The following JMJD1C variants were observed in gnomAD, a reference collection of about 807,000 sequenced individuals.
JMJD1C encodes jumonji domain-containing protein 1C.
In JMJD1C, 31 loss-of-function variants were observed where a neutral mutation model predicts 245.3. That is an observed-to-expected ratio of 0.13 (90% CI 0.09 to 0.17). The LOEUF is 0.17. JMJD1C is among the 10% of genes least tolerant of loss of function. The pLI is 1.00. For missense variants in JMJD1C, 2,691 were observed against 3,000.2 expected, an observed-to-expected ratio of 0.90 and a Z score of 2.41; for synonymous variants, 1,057 against 1,017.4, an observed-to-expected ratio of 1.04 and a Z score of -0.74.
intron 12 of JMJD1C, among the ~76,000 whole-genome samples, chr10:63,198,025 CA>C (rs1845639643): frequency 6.6e-6 from 1 of 152,176 alleles, no homozygotes. Flanking sequence ...ATATTTAGAG[CA>C]TCTACTATGT....
chr10:63,254,058 T>C lies in JMJD1C; in HGVS notation c.447+10593A>G, dbSNP rs565199758. The stretch of plus-strand genomic sequence containing the variant: ...ACTGTTTTGTTTTTAGTCTGAAGCC[T>C]AGAAAGACTTGAATTTTAGAGACAA... On this transcript the variant is annotated intron_variant, in intron 3 of 25. Transcript: ENST00000399262. Among the ~76,000 whole-genome samples the C allele has an allele frequency of 4.6e-5, 7 of 152,282 alleles. No homozygotes were observed. In the South Asian group the frequency reaches 6.2e-4, roughly 14 times the overall value.
In JMJD1C at chr10:63,254,872, G is replaced by A. The variant is rs576063366; in HGVS notation, c.447+9779C>T. On this transcript the variant is annotated intron_variant, in intron 3 of 25. Transcript: ENST00000399262. ...ATAGCTCCCCCCCTTTTTTTTTTATGAGATAGGGTCTCCCTCTGTCACCCA... is the reference window on the plus strand; with the variant it reads ...ATAGCTCCCCCCCTTTTTTTTTTATAAGATAGGGTCTCCCTCTGTCACCCA... Among the ~76,000 whole-genome samples, 12 of 143,382 alleles carry A rather than the reference G, an allele frequency of 8.4e-5. No individual in the cohort carries two copies. The East Asian group carries it at 1.5e-3, about 18-fold the overall frequency. The allele number at this position is 143,382 out of a possible 152,430, so 94.1% of individuals were successfully genotyped here. A position where few individuals can be genotyped will look rare whatever the true frequency, so the allele number is the denominator to read the frequency against.
chr10:63,311,288 A>G (rs868525493), intron 2 of JMJD1C, among the ~76,000 whole-genome samples: 1 of 151,950 alleles, frequency 6.6e-6, no homozygotes, highest in Non-Finnish European at 1.5e-5. Context: ...CTGAGGCAGG[A>G]GAATCACTTG....
intron 2 of JMJD1C, among the ~76,000 whole-genome samples, chr10:63,354,857 CA>C (rs148651978): frequency 1.9e-3 from 183 of 94,928 alleles, no homozygotes; most frequent in African/African-American, 3.5e-3. Context: ...TCTACTTTAA[CA>C]AAAAAAAAAA....
At chr10:63,428,209 A>G (rs957114034) in intron 1 of JMJD1C, among the ~76,000 whole-genome samples, 3 of 152,222 alleles carry the variant, frequency 2.0e-5, no homozygotes, top group Non-Finnish European at 4.4e-5. Flanking sequence ...TAAAGAAACT[A>G]CATCAATCAC....
chr10:63,216,002 T>G (rs1847938402), intron 5 of JMJD1C, among the ~76,000 whole-genome samples: 1 of 152,198 alleles, frequency 6.6e-6, no homozygotes. Context: ...CTTTTTATTT[T>G]TAAATAGAAA....
At chr10:63,269,220 C>T (rs1242964659) in intron 2 of JMJD1C, 13 of 985,242 alleles carry the variant, frequency 1.3e-5, no homozygotes, top group South Asian at 4.7e-5. Context: ...CAAATGAGAA[C>T]GAGTACTTGG....
chr10:63,346,535 T>C (rs542391762), intron 2 of JMJD1C, among the ~76,000 whole-genome samples: 1 of 152,344 alleles, frequency 6.6e-6, no homozygotes, highest in African/African-American at 2.4e-5. Context: ...AATAACCAAC[T>C]GTTCAAACCA....
At chr10:63,191,131 T>G in intron 16 of JMJD1C, 23 bp from the exon 17 acceptor site, 1 of 1,561,366 alleles carries the variant, frequency 6.4e-7, no homozygotes, top group Non-Finnish European at 8.8e-7. Flanking sequence ...ATTTCACAGA[T>G]TTTGTTTTGT....
intron 2 of JMJD1C, among the ~76,000 whole-genome samples, chr10:63,280,904 T>C (rs1857298701): frequency 6.6e-6 from 1 of 151,528 alleles, no homozygotes; most frequent in Admixed American, 6.6e-5. Context: ...TTGACAGAAA[T>C]AAAACGACAC....
intron 1 of JMJD1C, among the ~76,000 whole-genome samples, chr10:63,462,245 A>T (rs748806480): frequency 3.9e-5 from 6 of 152,240 alleles, no homozygotes; most frequent in Non-Finnish European, 7.3e-5. Flanking sequence ...AAGTTGACAA[A>T]CTATTTGAAA....
Position 63,206,788 on chromosome 10 carries a change from T to A in JMJD1C, c.4881A>T (p.Glu1627Asp). Residue 1627 changes from glutamate to aspartate, a missense_variant, in exon 10 of 26, where the codon GAA becomes GAT. This residue lies in a region of JMJD1C where 144 missense variants were observed against 143.3 expected (regional missense o/e 1.00). Coordinates refer to ENST00000399262, the MANE Select transcript of JMJD1C (RefSeq NM_032776.3). ...KAKRTYESGS[E>D]SGDSDESESK... ...TTTCACTTTCATCTGAGTCTCCACT[T>A]TCAGAGCCAGATTCATAAGTTCTTT... 1 of 1,607,464 alleles carries A rather than the reference T, an allele frequency of 6.2e-7. No homozygotes were observed. The highest frequency in any genetic ancestry group is 8.5e-7 in the Non-Finnish European group (1 of 1,178,440).
intron 3 of JMJD1C, among the ~76,000 whole-genome samples, chr10:63,220,528 C>A (rs185116004): frequency 6.6e-6 from 1 of 152,162 alleles, no homozygotes; most frequent in Non-Finnish European, 1.5e-5. Context: ...TTGAAACTAG[C>A]GCCAAAGCAT....
intron 1 of JMJD1C, among the ~76,000 whole-genome samples, chr10:63,494,298 C>T (rs72837051): frequency 0.2 from 30,506 of 149,470 alleles, 4,032 homozygotes; most frequent in Non-Finnish European, 0.3. Flanking sequence ...GCAACATAAA[C>T]GAAACTCCGT....
At chr10:63,379,063 ACTT>A (rs1163970219) in intron 2 of JMJD1C, among the ~76,000 whole-genome samples, 1 of 152,044 alleles carries the variant, frequency 6.6e-6, no homozygotes, top group Non-Finnish European at 1.5e-5. Flanking sequence ...ATCTCCACTG[ACTT>A]CTTAAAAAAG....
upstream of JMJD1C, among the ~76,000 whole-genome samples, chr10:63,468,888 AG>A (rs1953401362): frequency 6.6e-6 from 1 of 152,200 alleles, no homozygotes; most frequent in South Asian, 2.1e-4. Flanking sequence ...CTGCAACTGG[AG>A]GATCTCTTGA....
Position 63,214,138 on chromosome 10 carries a change from T to A in JMJD1C, c.2029A>T (p.Ile677Leu). ...CTGCATCTTGATAGCTCATGTTCTA[T>A]CTTATTTGCCAATCTTCTTTCACCA... ...ATGERRLANKIEHELSRCSFH... is the reference protein window; with the variant it reads ...ATGERRLANKLEHELSRCSFH... The change falls in exon 8 of 26, where the codon ATA becomes TTA. Residue 677 changes from isoleucine (I) to leucine (L), a missense_variant. Transcript: ENST00000399262. The A allele has an allele frequency of 6.2e-7, 1 of 1,614,214 alleles. No individual in the cohort carries two copies. The highest frequency in any genetic ancestry group is 8.5e-7 in the Non-Finnish European group (1 of 1,180,046).
At chr10:63,402,824 C>G (rs1229392130) in intron 1 of JMJD1C, among the ~76,000 whole-genome samples, 1 of 151,914 alleles carries the variant, frequency 6.6e-6, no homozygotes. Context: ...CAAATCATGC[C>G]CCTTATTTTA....
At position 63,220,758 on chromosome 10, in the gene JMJD1C, C is replaced by T. The variant is rs112520017; in HGVS notation, c.448-775G>A. ...GCATTTGAGATCAGCTGCAGGGACA[C>T]TAGAGTAGCTGAGAAGAATAACAAA... is the stretch of plus-strand genomic sequence containing the variant. On this transcript the variant is annotated intron_variant, in intron 3 of 25. Coordinates refer to ENST00000399262, the MANE Select transcript of JMJD1C (RefSeq NM_032776.3). Among the ~76,000 whole-genome samples, 326 of 152,246 alleles carry T rather than the reference C, an allele frequency of 2.1e-3. 2 individuals are homozygous for T. Among genetic ancestry groups the T allele is most frequent in the Middle Eastern group, 0.014 (4 of 294 alleles).
Sources: gnomAD v4.1 joint callset for allele counts (sites outside exome capture counted in the v4.1 genomes callset) on GRCh38, gnomAD v4.1.1 for gene constraint, gnomAD v4.1.1 regional missense constraint, MANE v1.5 for transcripts, NCBI Gene and HGNC (gene_info 2026-07-23, HGNC 2026-07-21) for gene names.